SALL3: variants seen among roughly 807,000 people sequenced by gnomAD.
SALL3 encodes the protein spalt like transcription factor 3.
A neutral mutation model predicts 66.2 loss-of-function variants in SALL3; 25 were observed. That is an observed-to-expected ratio of 0.38 (90% CI 0.28 to 0.53). The LOEUF (loss-of-function observed/expected upper bound fraction) is 0.53. Ranked by LOEUF, SALL3 falls within the 20% of genes least tolerant of loss-of-function variation. The pLI, the probability that SALL3 is intolerant of heterozygous loss-of-function variation, is 0.85. For missense variants in SALL3, 2,194 were observed against 1,916.5 expected (o/e 1.14, Z -2.70); for synonymous variants, 1,152 against 899.1 (o/e 1.28, Z -5.03).
intron 1 of SALL3, among the ~76,000 whole-genome samples, chr18:78,983,141 T>A (rs1914130033): frequency 6.7e-6 from 1 of 150,318 alleles, no homozygotes; most frequent in African/African-American, 2.5e-5. Context: ...AAAAAAAAAA[T>A]TAAGTCATTG....
In SALL3 at chr18:78,993,854, C is replaced by T; in HGVS notation, c.1863C>T (p.Pro621=). The change falls in exon 2 of 3, where the codon CCC becomes CCT. Residue 621 remains proline, a synonymous_variant. Transcript: ENST00000537592. The part of the protein sequence containing the change: ...APVGAQASAA[P]TSVDGAPTSL... ...TGGGCGCGCAGGCTAGCGCTGCACCCACATCGGTGGACGGCGCACCCACGA... is the reference window on the plus strand; with the variant it reads ...TGGGCGCGCAGGCTAGCGCTGCACCTACATCGGTGGACGGCGCACCCACGA... The T allele has an allele frequency of 6.4e-7, 1 of 1,562,678 alleles. No homozygotes were observed. The highest frequency in any genetic ancestry group is 1.4e-5 in the African/African-American group (1 of 73,480).
intron 1 of SALL3, among the ~76,000 whole-genome samples, chr18:78,982,450 C>T (rs187240986): frequency 6.6e-6 from 1 of 152,294 alleles, no homozygotes; most frequent in East Asian, 1.9e-4. Context: ...TCGAGCAGCT[C>T]ACATGCTTGT....
rs1431488847 is a variant in SALL3, at chr18:78,994,810, G to C, written c.2819G>C (p.Ser940Thr). 4 of 1,595,660 alleles carry C rather than the reference G, an allele frequency of 2.5e-6. No individual in the cohort carries two copies. The South Asian group carries it at 4.5e-5, about 18-fold the overall frequency. ...EIPLKTERPD[S>T]PAAAPGSGGA... ...CCGCTCAAGACCGAGAGGCCGGACA[G>C]CCCAGCCGCCGCCCCGGGCAGCGGA... Residue 940 changes from serine to threonine, a missense_variant, in exon 2 of 3, where the codon AGC (serine) becomes ACC (threonine). Physicochemically the swap from Ser to Thr is moderately conservative, Grantham distance 58. Coordinates refer to ENST00000537592, the MANE Select transcript of SALL3 (RefSeq NM_171999.4).
At chr18:78,987,501 A>G (rs963291329) in intron 1 of SALL3, among the ~76,000 whole-genome samples, 6 of 152,224 alleles carry the variant, frequency 3.9e-5, no homozygotes, top group Non-Finnish European at 5.9e-5. Flanking sequence ...AAACACAGAC[A>G]GGAAGGAATG....
chr18:78,996,966 G>A lies in SALL3; in HGVS notation c.3547G>A (p.Ala1183Thr). Residue 1183 changes from alanine (A) to threonine (T), a missense_variant, in exon 3 of 3, where the codon GCT becomes ACT. Transcript: ENST00000537592. ...CCGCCTGTCTGTGGAGAACCCCATGGCTCTCCTAGGGGGTGATGCCCTGAA... is the reference window on the plus strand; with the variant it reads ...CCGCCTGTCTGTGGAGAACCCCATGACTCTCCTAGGGGGTGATGCCCTGAA... ...GRRLSVENPM[A>T]LLGGDALKFS... is the part of the protein sequence containing the mutation. 1 of 1,613,860 alleles carries A rather than the reference G, an allele frequency of 6.2e-7. No individual in the cohort carries two copies. The highest frequency in any genetic ancestry group is 8.5e-7 in the Non-Finnish European group (1 of 1,179,972).
rs769479187 is a variant in SALL3 at position 78,993,656 on chromosome 18, G to A, written c.1665G>A (p.Arg555=). 1.3e-6 allele frequency: 2 copies of A among 1,587,498 alleles called. No homozygotes were observed. The highest frequency in any genetic ancestry group is 2.3e-5 in the East Asian group (1 of 43,888). Residue 555 remains arginine (R), a synonymous_variant, in exon 2 of 3, where the codon AGG becomes AGA. Coordinates refer to ENST00000537592, the MANE Select transcript of SALL3 (RefSeq NM_171999.4). ...CCCCAGCCAGCCGCTCCCCGCAGAG[G>A]CCCTCGCCCGCCTCCAGCGAGTGCG... ...SATPASRSPQ[R]PSPASSECAS...
rs1914740463 is a variant in SALL3, at chr18:78,997,504, G to A, written c.*182G>A. On this transcript the variant is annotated 3_prime_UTR_variant, in exon 3 of 3. Coordinates refer to ENST00000537592, the MANE Select transcript of SALL3 (RefSeq NM_171999.4). Reference sequence around the variant, plus strand: ...GCTCCCTTCAACAGCAAGCCTGACTGTTCTCGAGAACTCTGCAATCTTTTA... The same window carrying A: ...GCTCCCTTCAACAGCAAGCCTGACTATTCTCGAGAACTCTGCAATCTTTTA... 1 of 602,726 alleles carries A rather than the reference G, an allele frequency of 1.7e-6. No individual in the cohort carries two copies. Among genetic ancestry groups the A allele is most frequent in the South Asian group, 2.4e-5 (1 of 42,074 alleles). 37.3% of individuals were successfully genotyped at this position (602,726 alleles called of 1,614,324 possible).
In SALL3 at chr18:78,986,005, G is replaced by A. The variant is rs537064168; in HGVS notation, c.82+5649G>A. 3.1e-4 allele frequency among the ~76,000 whole-genome samples: 47 copies of A among 152,344 alleles called. No homozygotes were observed. The South Asian group carries it at 3.7e-3, about 12-fold the overall frequency. On this transcript the variant is annotated intron_variant, in intron 1 of 2. Coordinates refer to ENST00000537592, the MANE Select transcript of SALL3 (RefSeq NM_171999.4). ...GTCTGCGTATTTTTCATTAGGCATA[G>A]ATAGTGATACACACGCGTTCCTTAT...
rs971053103 is a variant in SALL3, at chr18:78,994,372, G to A, written c.2381G>A (p.Ser794Asn). The A allele has an allele frequency of 8.1e-5, 130 of 1,613,320 alleles. No homozygotes were observed. The highest frequency in any genetic ancestry group is 1.1e-4 in the Non-Finnish European group (126 of 1,180,014). ...AYDDKNAETL[S>N]SYDDDMDENS... ...GACGACAAGAACGCGGAGACCCTGA[G>A]CAGCTACGATGACGACATGGACGAG... The change falls in exon 2 of 3, where the codon AGC (serine) becomes AAC (asparagine). Residue 794 changes from serine (S) to asparagine (N), a missense_variant. Ser to Asn is a conservative substitution (Grantham distance 46, BLOSUM62 1). Transcript: ENST00000537592.
chr18:78,983,256 C>T (rs1348270656), intron 1 of SALL3, among the ~76,000 whole-genome samples: 3 of 152,102 alleles, frequency 2.0e-5, no homozygotes, highest in East Asian at 1.9e-4. Context: ...GTGAACTTTG[C>T]GCCACTAGTA....
Position 78,993,293 on chromosome 18 carries a change from G to T in SALL3, c.1302G>T (p.Ala434=). ...FCAKVFGSDS[A]LQIHLRSHTG... is the part of the protein sequence containing the mutation. ...CCAAGGTCTTCGGCAGCGACAGCGC[G>T]CTCCAGATCCACCTGCGCTCGCACA... The change falls in exon 2 of 3, where the codon GCG becomes GCT. Residue 434 remains alanine, a synonymous_variant. Transcript: ENST00000537592. 3 of 1,611,416 alleles carry T rather than the reference G, an allele frequency of 1.9e-6. No homozygotes were observed. The highest frequency in any genetic ancestry group is 1.7e-6 in the Non-Finnish European group (2 of 1,179,746).
At chr18:78,980,842 C>T (rs891863700) in intron 1 of SALL3, among the ~76,000 whole-genome samples, 4 of 152,172 alleles carry the variant, frequency 2.6e-5, no homozygotes, top group Non-Finnish European at 1.5e-5. Context: ...CCCGCACCGC[C>T]TCGGGTGACC....
Position 78,994,320 on chromosome 18 carries a change from G to C in SALL3, c.2329G>C (p.Asp777His). ...CACGCCGCTGCCGGAGGGCTTCCAG[G>C]ATGCCATGGACTCCGAGCTGGCCTA... ...PNTPLPEGFQDAMDSELAYDD... is the reference protein window; with the variant it reads ...PNTPLPEGFQHAMDSELAYDD... The change falls in exon 2 of 3, where the codon GAT becomes CAT. Residue 777 changes from aspartate (D) to histidine (H), a missense_variant. By Grantham distance (81) the Asp-to-His change is moderately conservative. Coordinates refer to ENST00000537592, the MANE Select transcript of SALL3 (RefSeq NM_171999.4). The C allele has an allele frequency of 6.2e-7, 1 of 1,613,712 alleles. No individual in the cohort carries two copies. Among genetic ancestry groups the C allele is most frequent in the Non-Finnish European group, 8.5e-7 (1 of 1,180,042 alleles).
Position 78,992,492 on chromosome 18 carries a change from C to G in SALL3, c.501C>G (p.Thr167=). The change falls in exon 2 of 3, where the codon ACC becomes ACG. Residue 167 remains threonine (T), a synonymous_variant. Transcript: ENST00000537592. ...ACGGCGCGCCCAGCACCAACGTGACCCTGGAGGCGCTGCTGAGCACCAAGG... is the reference window on the plus strand; with the variant it reads ...ACGGCGCGCCCAGCACCAACGTGACGCTGGAGGCGCTGCTGAGCACCAAGG... The part of the protein sequence containing the change: ...PAYGAPSTNV[T]LEALLSTKVA... 6.8e-7 allele frequency: 1 copy of G among 1,467,734 alleles called. No individual in the cohort carries two copies. Among genetic ancestry groups the G allele is most frequent in the Non-Finnish European group, 9.0e-7 (1 of 1,113,568 alleles). The allele number at this position is 1,467,734 out of a possible 1,614,324, so 90.9% of individuals were successfully genotyped here. A position where few individuals can be genotyped will look rare whatever the true frequency, so the allele number is the denominator to read the frequency against.
chr18:78,994,529 G>C lies in SALL3; in HGVS notation c.2538G>C (p.Gln846His), dbSNP rs375358691. 1.4e-6 allele frequency: 2 copies of C among 1,384,150 alleles called. No homozygotes were observed. Among genetic ancestry groups the C allele is most frequent in the Non-Finnish European group, 1.9e-6 (2 of 1,039,712 alleles). 85.7% of individuals were successfully genotyped at this position (1,384,150 alleles called of 1,614,324 possible). The change falls in exon 2 of 3, where the codon CAG becomes CAC. Residue 846 changes from glutamine to histidine, a missense_variant. Transcript: ENST00000537592. The part of the protein sequence containing the change: ...VISSIAALEN[Q>H]MKMIDSVMSC... ...CCAGCATTGCCGCCCTGGAGAACCA[G>C]ATGAAGATGATCGACTCGGTCATGA...
intron 1 of SALL3, among the ~76,000 whole-genome samples, chr18:78,990,694 C>T (rs558356595): frequency 7.9e-5 from 12 of 152,320 alleles, no homozygotes; most frequent in African/African-American, 2.9e-4. Flanking sequence ...TCACACTCAA[C>T]TGTGCGCGTT....
intron 2 of SALL3, among the ~76,000 whole-genome samples, chr18:78,996,271 G>T (rs1914689424): frequency 6.6e-6 from 1 of 152,224 alleles, no homozygotes; most frequent in Non-Finnish European, 1.5e-5. Flanking sequence ...TTGACTGATG[G>T]CTGCTTTCTG....
Position 78,992,300 on chromosome 18 carries a change from C to A in SALL3, c.309C>A (p.Pro103=). The stretch of plus-strand genomic sequence containing the variant: ...CCGAGCCTTCGCCCGCCAGCTCCCC[C>A]AGCGAGCGCGCCGAAAGCGAGGCGG... ...DFPEPSPASS[P]SERAESEAAE... is the part of the protein sequence containing the mutation. The change falls in exon 2 of 3, where the codon CCC becomes CCA. Residue 103 remains proline, a synonymous_variant. Transcript: ENST00000537592. 5.9e-6 allele frequency: 9 copies of A among 1,523,568 alleles called. No individual in the cohort carries two copies. Among genetic ancestry groups the A allele is most frequent in the Non-Finnish European group, 7.9e-6 (9 of 1,144,750 alleles). 94.4% of individuals were successfully genotyped at this position (1,523,568 alleles called of 1,614,324 possible).
Position 78,997,019 on chromosome 18 carries a change from G to A in SALL3, c.3600G>A (p.Leu1200=). The A allele has an allele frequency of 6.2e-7, 1 of 1,614,192 alleles. No homozygotes were observed. The highest frequency in any genetic ancestry group is 8.5e-7 in the Non-Finnish European group (1 of 1,180,050). The change falls in exon 3 of 3, where the codon CTG becomes CTA. Residue 1200 remains leucine (L), a synonymous_variant. Transcript: ENST00000537592. ...TCTCTGAAATGTTCCAGAAGGACCTGGCAGCTCGGGCAATGAACGTCGACC... is the reference window on the plus strand; with the variant it reads ...TCTCTGAAATGTTCCAGAAGGACCTAGCAGCTCGGGCAATGAACGTCGACC... ...LKFSEMFQKD[L]AARAMNVDPS...
Sources: allele counts gnomAD v4.1 joint callset (sites outside exome capture counted in the v4.1 genomes callset), GRCh38; gene constraint gnomAD v4.1.1; transcripts MANE v1.5; gene names NCBI Gene and HGNC (gene_info 2026-07-23, HGNC 2026-07-21).